NFYB: variants seen among roughly 807,000 people sequenced by gnomAD.
NFYB encodes nuclear transcription factor Y subunit beta.
NFYB carries 13 observed loss-of-function variants against 28.0 expected under a neutral mutation model. That is an observed-to-expected ratio of 0.46 (90% CI 0.30 to 0.74). The LOEUF (loss-of-function observed/expected upper bound fraction) is 0.74, where lower values mean the gene tolerates loss of function less well. NFYB is among the 30% of genes least tolerant of loss of function. The probability of loss-of-function intolerance (pLI) is 0.07; values close to 1 mark genes in which losing one functional copy is unlikely to be tolerated. For missense variants in NFYB, 142 were observed against 247.6 expected (o/e 0.57, Z 2.86); for synonymous variants, 74 against 75.0 (o/e 0.99, Z 0.07).
chr12:104,132,087 T>C (rs1006333196), intron 2 of NFYB, among the ~76,000 whole-genome samples: 1 of 152,174 alleles, frequency 6.6e-6, no homozygotes, highest in Non-Finnish European at 1.5e-5. Flanking sequence ...TACAAATAAT[T>C]AAGTAATTGC....
intron 2 of NFYB, chr12:104,131,240 A>G (rs2030911266): frequency 6.6e-6 from 1 of 152,486 alleles, no homozygotes; most frequent in South Asian, 2.1e-4. Flanking sequence ...AATTAAATAA[A>G]GACTAGAAAG....
At chr12:104,133,893 C>A (rs942937483) in intron 2 of NFYB, among the ~76,000 whole-genome samples, 1 of 152,094 alleles carries the variant, frequency 6.6e-6, no homozygotes, top group Non-Finnish European at 1.5e-5. Context: ...AATTCTGCCC[C>A]ATACCCTTGC....
At chr12:104,126,029 C>T (rs1186195525) in intron 4 of NFYB, 85 bp downstream of exon 4, 1 of 1,332,804 alleles carries the variant, frequency 7.5e-7, no homozygotes. Context: ...TTGAAATCAA[C>T]AGCTAACTGT....
chr12:104,118,556 GTTAA>G lies in NFYB; in HGVS notation c.*1177_*1180del, dbSNP rs2030348968. On this transcript the variant is annotated 3_prime_UTR_variant, in exon 8 of 8. Coordinates refer to ENST00000240055, the MANE Select transcript of NFYB (RefSeq NM_006166.4). The stretch of plus-strand genomic sequence containing the variant: ...AAAACTTAAAAAAGAAATCCCTCAA[GTTAA>G]TTAACACCAAAAAGAATAGATGAGA... The G allele has an allele frequency of 6.6e-6, 1 of 152,444 alleles. No individual in the cohort carries two copies. 9.4% of individuals were successfully genotyped at this position (152,444 alleles called of 1,614,324 possible). A position where few individuals can be genotyped will look rare whatever the true frequency, so the allele number is the denominator to read the frequency against.
At chr12:104,127,592 A>T (rs150287263) in intron 3 of NFYB, among the ~76,000 whole-genome samples, 7,007 of 151,116 alleles carry the variant, frequency 0.046, 217 homozygotes, top group Non-Finnish European at 0.07. Flanking sequence ...ATAAAAAAAA[A>T]AAAAAAATTT....
At chr12:104,134,817 G>A (rs1292126246) in intron 2 of NFYB, among the ~76,000 whole-genome samples, 1 of 152,104 alleles carries the variant, frequency 6.6e-6, no homozygotes, top group African/African-American at 2.4e-5. Flanking sequence ...GGAGTGAAGC[G>A]ACCACAGCTC....
rs1437858998 is a variant in NFYB, at chr12:104,128,344, C to CT, written c.100+79dup. The CT allele has an allele frequency of 6.1e-6, 6 of 985,856 alleles. No homozygotes were observed. In the Admixed American group the frequency reaches 1.2e-4, roughly 20 times the overall value. The allele number at this position is 985,856 out of a possible 1,614,324, so 61.1% of individuals were successfully genotyped here. ...ATTTTCCTATAAAGACACAAGTAGCCTAGAACACCATATTAATGAAATGTC... is the reference window on the plus strand; with the variant it reads ...ATTTTCCTATAAAGACACAAGTAGCCTTAGAACACCATATTAATGAAATGTC... On this transcript the variant is annotated intron_variant, in intron 3 of 7. Coordinates refer to ENST00000240055, the MANE Select transcript of NFYB (RefSeq NM_006166.4).
chr12:104,123,655 A>C (rs976055523), intron 4 of NFYB, among the ~76,000 whole-genome samples: 3 of 152,196 alleles, frequency 2.0e-5, no homozygotes, highest in Non-Finnish European at 4.4e-5. Context: ...TACAGAAACA[A>C]ATCTAATTTA....
chr12:104,137,013 T>C (rs1401208876), intron 1 of NFYB, among the ~76,000 whole-genome samples: 1 of 152,206 alleles, frequency 6.6e-6, no homozygotes, highest in East Asian at 1.9e-4. Context: ...AAACTTTCAA[T>C]ACTTTACAAA....
intron 1 of NFYB, among the ~76,000 whole-genome samples, chr12:104,137,191 G>A (rs1441128449): frequency 6.6e-6 from 1 of 152,156 alleles, no homozygotes; most frequent in Non-Finnish European, 1.5e-5. Flanking sequence ...TTTTTTTAAA[G>A]GTCGCAGGCT....
chr12:104,122,588 A>G (rs948058918), intron 5 of NFYB, among the ~76,000 whole-genome samples: 7 of 152,318 alleles, frequency 4.6e-5, no homozygotes, highest in African/African-American at 9.6e-5. Flanking sequence ...TGAACTGCGC[A>G]TGCAAGGGAT....
chr12:104,122,942 A>T (rs1426713239), intron 5 of NFYB, among the ~76,000 whole-genome samples: 1 of 152,074 alleles, frequency 6.6e-6, no homozygotes, highest in Non-Finnish European at 1.5e-5. Flanking sequence ...TGGGAGGCCG[A>T]GGCAGGTGGA....
rs2030710360 is a variant in NFYB, at chr12:104,126,260, T to C, written c.101-16A>G. On this transcript the variant is annotated splice_polypyrimidine_tract_variant and intron_variant, in intron 3 of 7. Transcript: ENST00000240055. ...TCCTCAGTATCTAAAGAAATAAAAA[T>C]ATTTAGGTGTAAAGCTTCTTATTAT... is the stretch of plus-strand genomic sequence containing the variant. 2.0e-6 allele frequency: 3 copies of C among 1,527,608 alleles called. No individual in the cohort carries two copies. Among genetic ancestry groups the C allele is most frequent in the East Asian group, 4.7e-5 (2 of 42,150 alleles). 94.6% of individuals were successfully genotyped at this position (1,527,608 alleles called of 1,614,324 possible).
rs1031440666 is a variant in NFYB, at chr12:104,128,651, T to C, written c.7-134A>G. ...GCCTTAAGCTTACTAAAAGAGAATTTATATTTCTTTTTTAAAAAATTAATT... is the reference window on the plus strand; with the variant it reads ...GCCTTAAGCTTACTAAAAGAGAATTCATATTTCTTTTTTAAAAAATTAATT... On this transcript the variant is annotated intron_variant, in intron 2 of 7. Transcript: ENST00000240055. 8 of 485,360 alleles carry C rather than the reference T, an allele frequency of 1.6e-5. No homozygotes were observed. In the Admixed American group the frequency reaches 2.9e-4, roughly 18 times the overall value. 30.1% of individuals were successfully genotyped at this position (485,360 alleles called of 1,614,324 possible).
At chr12:104,127,803 C>T (rs1284106204) in intron 3 of NFYB, among the ~76,000 whole-genome samples, 1 of 151,424 alleles carries the variant, frequency 6.6e-6, no homozygotes, top group Non-Finnish European at 1.5e-5. Context: ...CAGCCCCCAG[C>T]CCCCTAAGTA....
At position 104,120,301 on chromosome 12, in the gene NFYB, C is replaced by T. The variant is rs549273926; in HGVS notation, c.591+99G>A. 1.0e-5 allele frequency: 9 copies of T among 897,076 alleles called. 1 individual carries two copies. Among genetic ancestry groups the T allele is most frequent in the South Asian group, 9.0e-5 (6 of 66,366 alleles). 55.6% of individuals were successfully genotyped at this position (897,076 alleles called of 1,614,324 possible). A position where few individuals can be genotyped will look rare whatever the true frequency, so the allele number is the denominator to read the frequency against. On this transcript the variant is annotated intron_variant, in intron 7 of 7. Transcript: ENST00000240055. Reference sequence around the variant, plus strand: ...AACTCCTGACCTCAGGTGATCCACCCACCTCGGCCTCCCAAGGTGCTGGGA... The same window carrying T: ...AACTCCTGACCTCAGGTGATCCACCTACCTCGGCCTCCCAAGGTGCTGGGA...
At chr12:104,132,177 G>T (rs1249701976) in intron 2 of NFYB, among the ~76,000 whole-genome samples, 1 of 152,232 alleles carries the variant, frequency 6.6e-6, no homozygotes, top group Non-Finnish European at 1.5e-5. Context: ...TCACTAGTCT[G>T]AGGGGTCAAG....
At chr12:104,121,527 T>C (rs1158329891) in intron 5 of NFYB, among the ~76,000 whole-genome samples, 1 of 152,120 alleles carries the variant, frequency 6.6e-6, no homozygotes, top group Admixed American at 6.5e-5. Context: ...CAAGACAGAG[T>C]TAGTAATGAC....
At chr12:104,125,830 A>G (rs1331651310) in intron 4 of NFYB, among the ~76,000 whole-genome samples, 1 of 148,586 alleles carries the variant, frequency 6.7e-6, no homozygotes, top group Non-Finnish European at 1.5e-5. Context: ...CCTGGCCAAT[A>G]AGAGTGAAAC....
Sources: allele counts gnomAD v4.1 joint callset (sites outside exome capture counted in the v4.1 genomes callset), GRCh38; gene constraint gnomAD v4.1.1; transcripts MANE v1.5; gene names NCBI Gene and HGNC (gene_info 2026-07-23, HGNC 2026-07-21).